ZNF891: variants seen among roughly 807,000 people sequenced by gnomAD.
ZNF891 encodes hCG1646157.
For synonymous variants in ZNF891, 199 were observed against 209.0 expected (o/e 0.95, Z 0.41); for missense variants, 589 against 632.7 (o/e 0.93, Z 0.74).
chr12:133,126,786 A>T (rs1955822126), intron 1 of ZNF891, among the ~76,000 whole-genome samples: 1 of 151,376 alleles, frequency 6.6e-6, no homozygotes, highest in Non-Finnish European at 1.5e-5. Flanking sequence ...ACTGCACTCC[A>T]GCCTGGGCAA....
intron 1 of ZNF891, among the ~76,000 whole-genome samples, chr12:133,128,165 G>A (rs1955834655): frequency 6.6e-6 from 1 of 152,162 alleles, no homozygotes; most frequent in Non-Finnish European, 1.5e-5. Flanking sequence ...ACTGAGAGGA[G>A]TTCGAAGCCA....
chr12:133,120,227 A>G lies in ZNF891; in HGVS notation c.*57T>C. 3.7e-6 allele frequency: 5 copies of G among 1,358,552 alleles called. No individual in the cohort carries two copies. The highest frequency in any genetic ancestry group is 3.9e-6 in the Non-Finnish European group (4 of 1,024,024). 84.2% of individuals were successfully genotyped at this position (1,358,552 alleles called of 1,614,324 possible). On this transcript the variant is annotated 3_prime_UTR_variant, in exon 2 of 2. Transcript: ENST00000537226. ...TCTTTTAGAGAACAAAGACTGAGAC[A>G]AGGAGCTTGGAATCCACCTTAAGAC...
Position 133,105,497 on chromosome 12 carries a change from TGGTA to T in ZNF891, c.*14783_*14786del. 1 of 1,563,186 alleles carries T rather than the reference TGGTA, an allele frequency of 6.4e-7. No individual in the cohort carries two copies. The highest frequency in any genetic ancestry group is 2.1e-5 in the Admixed American group (1 of 48,578). On this transcript the variant is annotated 3_prime_UTR_variant, in exon 2 of 2. Coordinates refer to ENST00000537226, the MANE Select transcript of ZNF891 (RefSeq NM_001277291.2). ...GAAAAAGAAACATTCACTTTTTTTT[TGGTA>T]TCTTTCAGTTTCAGAGTCAAGTGGT...
At chr12:133,125,974 C>A in intron 1 of ZNF891, 1 of 414,364 alleles carries the variant, frequency 2.4e-6, no homozygotes, top group Non-Finnish European at 4.7e-6. Flanking sequence ...CTGGCTAATT[C>A]TAAATATGTA....
chr12:133,105,489 T>C lies in ZNF891; in HGVS notation c.*14795A>G. On this transcript the variant is annotated 3_prime_UTR_variant, in exon 2 of 2. Coordinates refer to ENST00000537226, the MANE Select transcript of ZNF891 (RefSeq NM_001277291.2). Reference sequence around the variant, plus strand: ...CAATACAGGAAAAAGAAACATTCACTTTTTTTTTGGTATCTTTCAGTTTCA... The same window carrying C: ...CAATACAGGAAAAAGAAACATTCACCTTTTTTTTGGTATCTTTCAGTTTCA... 3 of 1,447,716 alleles carry C rather than the reference T, an allele frequency of 2.1e-6. No homozygotes were observed. The highest frequency in any genetic ancestry group is 2.8e-6 in the Non-Finnish European group (3 of 1,083,966). The allele number at this position is 1,447,716 out of a possible 1,614,324, so 89.7% of individuals were successfully genotyped here.
chr12:133,108,811 T>C lies in ZNF891; in HGVS notation c.*11473A>G, dbSNP rs1555296770. The C allele has an allele frequency of 6.6e-6, 1 of 152,224 alleles. No individual in the cohort carries two copies. Among genetic ancestry groups the C allele is most frequent in the Non-Finnish European group, 1.5e-5 (1 of 68,028 alleles). The allele number at this position is 152,224 out of a possible 1,614,324, so 9.4% of individuals were successfully genotyped here. On this transcript the variant is annotated 3_prime_UTR_variant, in exon 2 of 2. Transcript: ENST00000537226. ...ACTCTTGTAGGAGAAAAAGCAACTG[T>C]ATAAATGAATGTAGAGTGAATTTCT...
intron 1 of ZNF891, among the ~76,000 whole-genome samples, chr12:133,128,678 G>C (rs112204145): frequency 9.9e-5 from 15 of 151,676 alleles, no homozygotes; most frequent in Non-Finnish European, 1.5e-4. Context: ...TGGATTAGCC[G>C]GGCGTGGTGG....
intron 1 of ZNF891, among the ~76,000 whole-genome samples, chr12:133,126,368 G>A (rs1431665284): frequency 6.6e-6 from 1 of 151,784 alleles, no homozygotes; most frequent in Admixed American, 6.6e-5. Flanking sequence ...CAGCTACACG[G>A]GAGTGTGAGG....
At position 133,120,207 on chromosome 12, in the gene ZNF891, T is replaced by C; in HGVS notation, c.*77A>G. On this transcript the variant is annotated 3_prime_UTR_variant, in exon 2 of 2. Transcript: ENST00000537226. ...CATTTGTAACCTTAAATCGTTCTTT[T>C]AGAGAACAAAGACTGAGACAAGGAG... The C allele has an allele frequency of 8.2e-7, 1 of 1,217,410 alleles. No homozygotes were observed. Among genetic ancestry groups the C allele is most frequent in the South Asian group, 1.8e-5 (1 of 55,802 alleles). 75.4% of individuals were successfully genotyped at this position (1,217,410 alleles called of 1,614,324 possible).
rs1376403851 is a variant in ZNF891 at position 133,108,041 on chromosome 12, A to G, written c.*12243T>C. 6.6e-6 allele frequency: 1 copy of G among 152,208 alleles called. No homozygotes were observed. Among genetic ancestry groups the G allele is most frequent in the Non-Finnish European group, 1.5e-5 (1 of 68,020 alleles). 9.4% of individuals were successfully genotyped at this position (152,208 alleles called of 1,614,324 possible). On this transcript the variant is annotated 3_prime_UTR_variant, in exon 2 of 2. Coordinates refer to ENST00000537226, the MANE Select transcript of ZNF891 (RefSeq NM_001277291.2). The stretch of plus-strand genomic sequence containing the variant: ...ACATTATCAGAAGTGTATTTCCTCA[A>G]ACCTGCCATTGGCATGCCATATTGG...
At position 133,106,150 on chromosome 12, in the gene ZNF891, C is replaced by T; in HGVS notation, c.*14134G>A. 6 of 1,614,100 alleles carry T rather than the reference C, an allele frequency of 3.7e-6. No homozygotes were observed. The highest frequency in any genetic ancestry group is 5.1e-6 in the Non-Finnish European group (6 of 1,180,020). On this transcript the variant is annotated 3_prime_UTR_variant, in exon 2 of 2. Coordinates refer to ENST00000537226, the MANE Select transcript of ZNF891 (RefSeq NM_001277291.2). ...GCAGTGGCTCAGAACTCATTCGCCA[C>T]CAGATTACACATACTGGAGAGAAAC...
At chr12:133,128,913 A>C (rs1184827619) in intron 1 of ZNF891, among the ~76,000 whole-genome samples, 1 of 151,978 alleles carries the variant, frequency 6.6e-6, no homozygotes, top group East Asian at 1.9e-4. Flanking sequence ...CAACAAAAAA[A>C]CCAAAACCAA....
chr12:133,107,208 T>C lies in ZNF891; in HGVS notation c.*13076A>G, dbSNP rs1488325612. On this transcript the variant is annotated 3_prime_UTR_variant, in exon 2 of 2. Coordinates refer to ENST00000537226, the MANE Select transcript of ZNF891 (RefSeq NM_001277291.2). ...GAGAAAAAGCAACTGTATAAATGAA[T>C]GTAGAGTGACTTTCTGCAATATTTC... 2 of 152,414 alleles carry C rather than the reference T, an allele frequency of 1.3e-5. No homozygotes were observed. The highest frequency in any genetic ancestry group is 2.9e-5 in the Non-Finnish European group (2 of 68,084). The allele number at this position is 152,414 out of a possible 1,614,324, so 9.4% of individuals were successfully genotyped here. A position where few individuals can be genotyped will look rare whatever the true frequency, so the allele number is the denominator to read the frequency against.
In ZNF891 at chr12:133,120,530, A is replaced by G. The variant is rs1481189205; in HGVS notation, c.1389T>C (p.Ser463=). ...IHTGENVYEC[S]DCGKVFSGVS... ...CCCCACTGAAAACTTTCCCACAGTC[A>G]CTGCATTCATAAACATTCTCTCCGG... Residue 463 remains serine (S), a synonymous_variant, in exon 2 of 2, where the codon AGT becomes AGC. Coordinates refer to ENST00000537226, the MANE Select transcript of ZNF891 (RefSeq NM_001277291.2). 7 of 1,572,362 alleles carry G rather than the reference A, an allele frequency of 4.5e-6. No homozygotes were observed. The highest frequency in any genetic ancestry group is 6.0e-6 in the Non-Finnish European group (7 of 1,160,116).
rs1324503598 is a variant in ZNF891 at position 133,120,816 on chromosome 12, C to G, written c.1103G>C (p.Arg368Thr). Residue 368 changes from arginine to threonine, a missense_variant, in exon 2 of 2, where the codon AGA becomes ACA. Physicochemically the swap from Arg to Thr is moderately conservative, Grantham distance 71 (BLOSUM62 -1). Transcript: ENST00000537226. The stretch of plus-strand genomic sequence containing the variant: ...ATAGGGTTTCTCTCCAGTGTGAGTT[C>G]TTACATGTCTCCTTAAGGTTGAGGA... ...NDSSTLRRHV[R>T]THTGEKPYEC... 3.2e-6 allele frequency: 5 copies of G among 1,565,782 alleles called. No individual in the cohort carries two copies. The African/African-American group carries it at 6.8e-5, about 21-fold the overall frequency.
In ZNF891 at chr12:133,120,561, A is replaced by C; in HGVS notation, c.1358T>G (p.Ile453Ser). 1 of 1,560,102 alleles carries C rather than the reference A, an allele frequency of 6.4e-7. No homozygotes were observed. Among genetic ancestry groups the C allele is most frequent in the Non-Finnish European group, 8.7e-7 (1 of 1,153,776 alleles). Residue 453 changes from isoleucine to serine, a missense_variant, in exon 2 of 2, where the codon ATT becomes AGT. Ile to Ser is a moderately radical substitution (Grantham distance 142). Coordinates refer to ENST00000537226, the MANE Select transcript of ZNF891 (RefSeq NM_001277291.2). ...TTCATAAACATTCTCTCCGGTATGA[A>C]TTTTCTTATGAACTTTAAGGTGAGA... Reference protein sequence around the residue: ...TSSHLKVHKKIHTGENVYECS... With the variant: ...TSSHLKVHKKSHTGENVYECS...
chr12:133,122,013 C>T lies in ZNF891; in HGVS notation c.-95G>A. Reference sequence around the variant, plus strand: ...CAGTCACAGGAGGGATGCATTTCACCCGAAGTTCTCCCTGTAGCCAAAGAA... The same window carrying T: ...CAGTCACAGGAGGGATGCATTTCACTCGAAGTTCTCCCTGTAGCCAAAGAA... On this transcript the variant is annotated 5_prime_UTR_variant, in exon 2 of 2. Coordinates refer to ENST00000537226, the MANE Select transcript of ZNF891 (RefSeq NM_001277291.2). The T allele has an allele frequency of 1.4e-6, 2 of 1,400,006 alleles. No individual in the cohort carries two copies. The highest frequency in any genetic ancestry group is 9.3e-7 in the Non-Finnish European group (1 of 1,080,030). The allele number at this position is 1,400,006 out of a possible 1,614,324, so 86.7% of individuals were successfully genotyped here.
At chr12:133,126,473 C>CAAAAA (rs869209894) in intron 1 of ZNF891, among the ~76,000 whole-genome samples, 39 of 58,218 alleles carry the variant, frequency 6.7e-4, no homozygotes, top group South Asian at 1.4e-3. Flanking sequence ...GACTCCGTCT[C>CAAAAA]AAAAAAAAAA....
In ZNF891 at chr12:133,110,338, C is replaced by G. The variant is rs1276353099; in HGVS notation, c.*9946G>C. ...TAAGTGTGTTCTATTTGGGGAAATT[C>G]ATAAAGCTGCATGCCTTTATGTATT... is the stretch of plus-strand genomic sequence containing the variant. On this transcript the variant is annotated 3_prime_UTR_variant, in exon 2 of 2. Coordinates refer to ENST00000537226, the MANE Select transcript of ZNF891 (RefSeq NM_001277291.2). 4.6e-5 allele frequency: 7 copies of G among 152,072 alleles called. No individual in the cohort carries two copies. The East Asian group carries it at 1.4e-3, about 29-fold the overall frequency. 9.4% of individuals were successfully genotyped at this position (152,072 alleles called of 1,614,324 possible). A position where few individuals can be genotyped will look rare whatever the true frequency, so the allele number is the denominator to read the frequency against.
Sources: gnomAD v4.1 joint callset for allele counts (sites outside exome capture counted in the v4.1 genomes callset) on GRCh38, gnomAD v4.1.1 for gene constraint, MANE v1.5 for transcripts, NCBI Gene and HGNC (gene_info 2026-07-23, HGNC 2026-07-21) for gene names.